HS3ST4: variants seen among roughly 807,000 people sequenced by gnomAD.
HS3ST4 encodes the protein heparan sulfate-glucosamine 3-sulfotransferase 4, also known as heparan sulfate glucosamine 3-O-sulfotransferase 4.
A neutral mutation model predicts 29.2 loss-of-function variants in HS3ST4; 17 were observed. That is an observed-to-expected ratio of 0.58 (90% CI 0.40 to 0.87). The LOEUF (loss-of-function observed/expected upper bound fraction) is 0.87, where lower values mean the gene tolerates loss of function less well. Among genes scored for constraint, HS3ST4 ranks in the 40% least tolerant of loss-of-function variants. The pLI, the probability that HS3ST4 is intolerant of heterozygous loss-of-function variation, is 0.00. For missense variants in HS3ST4, 627 were observed against 634.5 expected (o/e 0.99, Z 0.13); for synonymous variants, 314 against 285.7 (o/e 1.10, Z -1.00).
At chr16:25,982,503 A>T (rs1363705304) in intron 1 of HS3ST4, among the ~76,000 whole-genome samples, 2 of 152,130 alleles carry the variant, frequency 1.3e-5, no homozygotes, top group African/African-American at 4.8e-5. Flanking sequence ...CTCTTAATAA[A>T]ATAGAACAGA....
At chr16:25,826,907 T>G (rs184588795) in intron 1 of HS3ST4, among the ~76,000 whole-genome samples, 106 of 152,276 alleles carry the variant, frequency 7.0e-4, no homozygotes, top group African/African-American at 2.5e-3. Context: ...GTGATGATCC[T>G]CAGTATTACC....
intron 1 of HS3ST4, among the ~76,000 whole-genome samples, chr16:25,986,824 T>C (rs1969068882): frequency 6.6e-6 from 1 of 152,244 alleles, no homozygotes. Context: ...AGCCTGTGGC[T>C]GTAGCTTTTC....
intron 1 of HS3ST4, among the ~76,000 whole-genome samples, chr16:25,778,481 G>C (rs942599724): frequency 6.6e-6 from 1 of 152,178 alleles, no homozygotes; most frequent in Non-Finnish European, 1.5e-5. Flanking sequence ...ATTGACTACT[G>C]TCATGGCTAA....
At chr16:26,014,439 C>A (rs1055283353) in intron 1 of HS3ST4, among the ~76,000 whole-genome samples, 1 of 152,166 alleles carries the variant, frequency 6.6e-6, no homozygotes, top group Admixed American at 6.5e-5. Flanking sequence ...TATTTCATCA[C>A]CCAGGTTATA....
At chr16:26,129,563 G>A (rs1166719942) in intron 1 of HS3ST4, among the ~76,000 whole-genome samples, 2 of 152,198 alleles carry the variant, frequency 1.3e-5, no homozygotes, top group Non-Finnish European at 2.9e-5. Flanking sequence ...TACTCTATGA[G>A]AGTCACTCTT....
chr16:25,777,396 G>T (rs1027732827), intron 1 of HS3ST4, among the ~76,000 whole-genome samples: 1 of 150,764 alleles, frequency 6.6e-6, no homozygotes, highest in African/African-American at 2.5e-5. Context: ...TGGAGATACA[G>T]CAGAAAGCAC....
chr16:26,064,809 G>T (rs961590310), intron 1 of HS3ST4, among the ~76,000 whole-genome samples: 1 of 151,938 alleles, frequency 6.6e-6, no homozygotes, highest in Non-Finnish European at 1.5e-5. Flanking sequence ...TGGAGACGAG[G>T]TTTCCCCATG....
chr16:26,022,855 T>C (rs1969427999), intron 1 of HS3ST4, among the ~76,000 whole-genome samples: 1 of 152,140 alleles, frequency 6.6e-6, no homozygotes, highest in Admixed American at 6.5e-5. Context: ...AATAACTGTA[T>C]TTTTAGTAGA....
At chr16:26,007,123 C>G (rs922315132) in intron 1 of HS3ST4, among the ~76,000 whole-genome samples, 1 of 152,208 alleles carries the variant, frequency 6.6e-6, no homozygotes, top group Non-Finnish European at 1.5e-5. Context: ...CTTGAACTAT[C>G]GGAAGATCTG....
At chr16:25,938,209 C>A (rs1486172778) in intron 1 of HS3ST4, among the ~76,000 whole-genome samples, 1 of 152,060 alleles carries the variant, frequency 6.6e-6, no homozygotes, top group Non-Finnish European at 1.5e-5. Flanking sequence ...AAGATCAGAG[C>A]AAACTGAAAC....
chr16:25,748,938 A>G (rs923655314), intron 1 of HS3ST4, among the ~76,000 whole-genome samples: 1 of 152,230 alleles, frequency 6.6e-6, no homozygotes. Flanking sequence ...AATATACAGT[A>G]TGAATATTCT....
At chr16:25,956,997 C>CAAA (rs11382105) in intron 1 of HS3ST4, among the ~76,000 whole-genome samples, 905 of 77,582 alleles carry the variant, frequency 0.012, 47 homozygotes, top group African/African-American at 0.043. Flanking sequence ...GACTCCGTCT[C>CAAA]AAAAAAAAAA....
chr16:25,906,352 C>T (rs915341006), intron 1 of HS3ST4, among the ~76,000 whole-genome samples: 1 of 152,024 alleles, frequency 6.6e-6, no homozygotes, highest in Non-Finnish European at 1.5e-5. Flanking sequence ...TTATTCTTAC[C>T]CTATGTATCT....
chr16:26,070,733 G>A (rs2141777105), intron 1 of HS3ST4, among the ~76,000 whole-genome samples: 1 of 152,300 alleles, frequency 6.6e-6, no homozygotes, highest in East Asian at 1.9e-4. Flanking sequence ...AGTTGCTATA[G>A]CAACCTGATA....
At chr16:26,015,837 T>A (rs1172227889) in intron 1 of HS3ST4, among the ~76,000 whole-genome samples, 1 of 152,190 alleles carries the variant, frequency 6.6e-6, no homozygotes, top group Non-Finnish European at 1.5e-5. Context: ...CTTTCCAATT[T>A]GGGGGGATTT....
intron 1 of HS3ST4, among the ~76,000 whole-genome samples, chr16:25,921,639 G>A (rs1191269367): frequency 1.3e-5 from 2 of 152,156 alleles, no homozygotes; most frequent in Admixed American, 6.5e-5. Flanking sequence ...CTCATCAGCA[G>A]GAAAACTTTT....
intron 1 of HS3ST4, among the ~76,000 whole-genome samples, chr16:26,011,446 G>T (rs927683099): frequency 6.6e-6 from 1 of 152,122 alleles, no homozygotes; most frequent in African/African-American, 2.4e-5. Context: ...TGTAATCCTG[G>T]CTATTCGGGA....
intron 1 of HS3ST4, among the ~76,000 whole-genome samples, chr16:25,867,810 A>G (rs1967711576): frequency 6.6e-6 from 1 of 152,182 alleles, no homozygotes; most frequent in Non-Finnish European, 1.5e-5. Flanking sequence ...TTGGGAGTGA[A>G]GCTGAAAGCA....
At chr16:26,020,487 G>A (rs373298494) in intron 1 of HS3ST4, among the ~76,000 whole-genome samples, 1 of 152,308 alleles carries the variant, frequency 6.6e-6, no homozygotes, top group Non-Finnish European at 1.5e-5. Context: ...TGTGACAGCC[G>A]GAGGACTGAG....
Sources: allele counts gnomAD v4.1 joint callset (sites outside exome capture counted in the v4.1 genomes callset), GRCh38; gene constraint gnomAD v4.1.1; transcripts MANE v1.5; gene names NCBI Gene and HGNC (gene_info 2026-07-23, HGNC 2026-07-21).